Variants in PATL2 observed in about 807,000 individuals in gnomAD.
PATL2 encodes PAT1 homolog 2.
A neutral mutation model predicts 77.0 loss-of-function variants in PATL2; 73 were observed. That is an observed-to-expected ratio of 0.95 (90% CI 0.78 to 1.15). The LOEUF (loss-of-function observed/expected upper bound fraction) is 1.15. PATL2 is among the 50% of genes most tolerant of loss of function. The probability of loss-of-function intolerance (pLI) is 0.00; values close to 1 mark genes in which losing one functional copy is unlikely to be tolerated. For synonymous variants in PATL2, 265 were observed against 257.1 expected, an observed-to-expected ratio of 1.03 and a Z score of -0.29; for missense variants, 618 against 655.4, an observed-to-expected ratio of 0.94 and a Z score of 0.62.
chr15:44,691,630 C>T (rs1015879642), intron 3 of PATL2, among the ~76,000 whole-genome samples: 1 of 148,708 alleles, frequency 6.7e-6, no homozygotes, highest in African/African-American at 2.5e-5. Flanking sequence ...CACTGCACTC[C>T]AGCCTGAGCC....
At position 44,669,382 on chromosome 15, in the gene PATL2, C is replaced by T. The variant is rs577626010; in HGVS notation, c.962G>A (p.Gly321Asp). 1.0e-5 allele frequency: 16 copies of T among 1,551,446 alleles called. No individual in the cohort carries two copies. Among genetic ancestry groups the T allele is most frequent in the Middle Eastern group, 3.3e-4 (2 of 5,990 alleles). Reference sequence around the variant, plus strand: ...GGGCGGTGGAGGCCTATACTTCCAGCCTTCCTCTATTTCTAGTAACTGAAG... The same window carrying T: ...GGGCGGTGGAGGCCTATACTTCCAGTCTTCCTCTATTTCTAGTAACTGAAG... ...MFLQLLEIEE[G>D]WKYRPPPPCF... Residue 321 changes from glycine to aspartate, a missense_variant, in exon 13 of 18, where the codon GGC (glycine) becomes GAC (aspartate). Transcript: ENST00000682850.
At chr15:44,706,701 G>C (rs781514781) in intron 3 of PATL2, among the ~76,000 whole-genome samples, 2 of 152,234 alleles carry the variant, frequency 1.3e-5, no homozygotes, top group Non-Finnish European at 2.9e-5. Context: ...AGGGTCAGAC[G>C]TGAAGCCAGC....
At chr15:44,667,275 A>G (rs117655669) in intron 15 of PATL2, 72 bp from the exon 16 acceptor site, 138 of 1,097,182 alleles carry the variant, frequency 1.3e-4, no homozygotes, top group Non-Finnish European at 1.8e-4. Context: ...CCTGACTCTT[A>G]TCTTCCCAAC....
intron 11 of PATL2, 92 bp downstream of exon 11, chr15:44,669,685 C>G: frequency 6.6e-7 from 1 of 1,509,954 alleles, no homozygotes; most frequent in Non-Finnish European, 9.0e-7. Flanking sequence ...ACACTTCTTC[C>G]TCCTTCTTCG....
intron 3 of PATL2, among the ~76,000 whole-genome samples, chr15:44,695,315 G>C (rs888860341): frequency 6.6e-6 from 1 of 152,088 alleles, no homozygotes; most frequent in Admixed American, 6.5e-5. Flanking sequence ...TTCTAACAAA[G>C]AGCAGCCTGC....
rs994490201 is a variant in PATL2, at chr15:44,669,938, C to G, written c.778+29G>C. The G allele has an allele frequency of 1.9e-6, 3 of 1,549,814 alleles. No homozygotes were observed. In the East Asian group the frequency reaches 7.3e-5, roughly 38 times the overall value. ...CACTCTGTCCACCCAGATGCCCAGCCCAAGTCAGCAGGTCAGCCCTGACCC... is the reference window on the plus strand; with the variant it reads ...CACTCTGTCCACCCAGATGCCCAGCGCAAGTCAGCAGGTCAGCCCTGACCC... On this transcript the variant is annotated intron_variant, in intron 10 of 17. Coordinates refer to ENST00000682850, the MANE Select transcript of PATL2 (RefSeq NM_001387263.1).
intron 3 of PATL2, among the ~76,000 whole-genome samples, chr15:44,708,978 A>G (rs1427374211): frequency 6.6e-6 from 1 of 152,100 alleles, no homozygotes; most frequent in Non-Finnish European, 1.5e-5. Flanking sequence ...GGCTCATTGC[A>G]ACCTCTGCCT....
intron 3 of PATL2, among the ~76,000 whole-genome samples, chr15:44,704,770 T>C (rs536063020): frequency 3.3e-5 from 5 of 152,360 alleles, no homozygotes; most frequent in African/African-American, 1.2e-4. Context: ...AAGAACTCCC[T>C]TCAGCATTTC....
At position 44,675,631 on chromosome 15, in the gene PATL2, A is replaced by G; in HGVS notation, c.77T>C (p.Leu26Ser). 1 of 1,551,518 alleles carries G rather than the reference A, an allele frequency of 6.4e-7. No homozygotes were observed. The highest frequency in any genetic ancestry group is 8.7e-7 in the Non-Finnish European group (1 of 1,146,948). ...CCCTTCATTCTCTTCTTCTTTTTCCAACTGGCAGGCAGACACCAGCTCCTC... is the reference window on the plus strand; with the variant it reads ...CCCTTCATTCTCTTCTTCTTTTTCCGACTGGCAGGCAGACACCAGCTCCTC... The part of the protein sequence containing the change: ...SEEELVSACQ[L>S]EKEEENEGEE... Residue 26 changes from leucine to serine, a missense_variant, in exon 5 of 18, where the codon TTG (leucine) becomes TCG (serine). Coordinates refer to ENST00000682850, the MANE Select transcript of PATL2 (RefSeq NM_001387263.1).
chr15:44,695,461 A>G (rs752192195), intron 3 of PATL2, among the ~76,000 whole-genome samples: 3 of 152,112 alleles, frequency 2.0e-5, no homozygotes, highest in Non-Finnish European at 4.4e-5. Context: ...GGGAAAGTTC[A>G]TTTGCATAAT....
At chr15:44,681,985 C>T (rs759923134) in intron 3 of PATL2, among the ~76,000 whole-genome samples, 12 of 152,160 alleles carry the variant, frequency 7.9e-5, no homozygotes, top group African/African-American at 2.2e-4. Context: ...CTCTCGTAAT[C>T]GCTGTGCACC....
Position 44,676,524 on chromosome 15 carries a change from G to A in PATL2, c.-34C>T, listed in dbSNP as rs1313019627. 2 of 1,551,148 alleles carry A rather than the reference G, an allele frequency of 1.3e-6. No homozygotes were observed. Among genetic ancestry groups the A allele is most frequent in the East Asian group, 2.4e-5 (1 of 40,914 alleles). On this transcript the variant is annotated 5_prime_UTR_variant, in exon 4 of 18. Coordinates refer to ENST00000682850, the MANE Select transcript of PATL2 (RefSeq NM_001387263.1). ...GCTGGTGGACTTCCTTCTTAGCCGT[G>A]TCCTCCAGTGAAACAGCATTGCCAG...
At chr15:44,679,430 G>A (rs965672967) in intron 3 of PATL2, among the ~76,000 whole-genome samples, 9 of 151,482 alleles carry the variant, frequency 5.9e-5, no homozygotes, top group Admixed American at 5.3e-4. Flanking sequence ...GTTTCACCAT[G>A]TTGGCCAGTC....
chr15:44,708,961 C>T (rs1428459069), intron 3 of PATL2, among the ~76,000 whole-genome samples: 3 of 152,126 alleles, frequency 2.0e-5, no homozygotes, highest in Middle Eastern at 3.2e-3. Flanking sequence ...TGCAGTGGTG[C>T]AATCTCGGCT....
intron 5 of PATL2, chr15:44,674,637 AGCTCACTGCAG>A (rs201247884): frequency 0.015 from 2,289 of 152,510 alleles, 64 homozygotes; most frequent in African/African-American, 0.053. Flanking sequence ...GCACCATCAT[AGCTCACTGCAG>A]GCTCAAACTC....
intron 3 of PATL2, among the ~76,000 whole-genome samples, chr15:44,701,767 T>A (rs903453358): frequency 6.6e-6 from 1 of 151,562 alleles, no homozygotes; most frequent in African/African-American, 2.4e-5. Context: ...GAGTTTTAAT[T>A]GGCTTATGGT....
intron 15 of PATL2, 140 bp from the exon 16 acceptor site, chr15:44,667,343 T>G: frequency 1.5e-6 from 1 of 655,098 alleles, no homozygotes; most frequent in South Asian, 1.8e-5. Flanking sequence ...TGCTGTCAGG[T>G]TTTACACTGG....
intron 3 of PATL2, among the ~76,000 whole-genome samples, chr15:44,683,473 G>A (rs918720615): frequency 6.6e-6 from 1 of 152,202 alleles, no homozygotes. Flanking sequence ...AAAGCCACCA[G>A]GAAGTTCAAA....
rs2141153362 is a variant in PATL2, at chr15:44,665,971, C to T, written c.1614G>A (p.Glu538=). The change falls in exon 18 of 18, where the codon GAG becomes GAA. Residue 538 remains glutamate (E), a splice_region_variant and synonymous_variant. Transcript: ENST00000682850. ...AAACAGATCAGTAAATCCAGGCAAA[C>T]CTATAAAGAGAACAGATATTAACTG... is the stretch of plus-strand genomic sequence containing the variant. ...QLVQQLEARM[E]FAWIY 1 of 1,538,618 alleles carries T rather than the reference C, an allele frequency of 6.5e-7. No individual in the cohort carries two copies. Among genetic ancestry groups the T allele is most frequent in the Non-Finnish European group, 8.7e-7 (1 of 1,143,330 alleles).
Sources: allele counts gnomAD v4.1 joint callset (sites outside exome capture counted in the v4.1 genomes callset), GRCh38; gene constraint gnomAD v4.1.1; transcripts MANE v1.5; gene names NCBI Gene and HGNC (gene_info 2026-07-23, HGNC 2026-07-21).